NALCN: variants seen among roughly 807,000 people sequenced by gnomAD.
NALCN encodes sodium leak channel NALCN.
NALCN carries 111 observed loss-of-function variants against 225.3 expected under a neutral mutation model. That is an observed-to-expected ratio of 0.49 (90% CI 0.42 to 0.58). The LOEUF is 0.58. NALCN is among the 20% of genes least tolerant of loss of function. NALCN has a pLI of 0.00. For missense variants in NALCN, 1,378 were observed against 2,202.4 expected (o/e 0.63, Z 7.49); for synonymous variants, 764 against 769.0 (o/e 0.99, Z 0.11).
chr13:101,089,394 A>G lies in NALCN; in HGVS notation c.3489+269T>C, dbSNP rs995976099. Reference sequence around the variant, plus strand: ...AACTTGCTGCCCATCTTTCTTTTCAATTTGAACAATAGGAGACGCGCCTCT... The same window carrying G: ...AACTTGCTGCCCATCTTTCTTTTCAGTTTGAACAATAGGAGACGCGCCTCT... On this transcript the variant is annotated intron_variant, in intron 30 of 43. Transcript: ENST00000251127. The surrounding 1 kb of genome is among the most constrained non-coding windows in gnomAD (Gnocchi z 4.7). 3.9e-5 allele frequency among the ~76,000 whole-genome samples: 6 copies of G among 152,176 alleles called. No individual in the cohort carries two copies. The highest frequency in any genetic ancestry group is 2.1e-4 in the South Asian group (1 of 4,824).
chr13:101,172,749 A>C (rs1362165618), intron 15 of NALCN, among the ~76,000 whole-genome samples: 1 of 151,016 alleles, frequency 6.6e-6, no homozygotes, highest in Non-Finnish European at 1.5e-5. Flanking sequence ...TCGTATTTTT[A>C]GTAGAGACGG....
chr13:101,062,437 C>T (rs1048465325), intron 40 of NALCN, among the ~76,000 whole-genome samples: 4 of 152,054 alleles, frequency 2.6e-5, no homozygotes, highest in Non-Finnish European at 4.4e-5. Flanking sequence ...GGAAAAGGCT[C>T]GCGACTTTCT....
chr13:101,201,267 C>T (rs1566423649), intron 13 of NALCN, among the ~76,000 whole-genome samples: 6 of 152,264 alleles, frequency 3.9e-5, no homozygotes, highest in South Asian at 4.1e-4. Context: ...GTTGTGCAGC[C>T]ATTACCACTA....
In NALCN at chr13:101,145,001, A is replaced by G. The variant is rs1197255030; in HGVS notation, c.1840-105T>C. 7.1e-6 allele frequency: 9 copies of G among 1,264,836 alleles called. No homozygotes were observed. The East Asian group carries it at 1.5e-4, about 22-fold the overall frequency. The allele number at this position is 1,264,836 out of a possible 1,614,324, so 78.4% of individuals were successfully genotyped here. ...TGGAAGCAATAAGTAATTACATGAAATGCCAGTAGATGGCAGCAAAGGCCT... is the reference window on the plus strand; with the variant it reads ...TGGAAGCAATAAGTAATTACATGAAGTGCCAGTAGATGGCAGCAAAGGCCT... On this transcript the variant is annotated intron_variant, in intron 15 of 43. Transcript: ENST00000251127.
intron 10 of NALCN, among the ~76,000 whole-genome samples, chr13:101,272,350 G>A (rs536388910): frequency 1.3e-5 from 2 of 152,210 alleles, no homozygotes; most frequent in African/African-American, 4.8e-5. Context: ...TAAGGGGAGA[G>A]TAAGAATTTG....
chr13:101,147,271 C>T (rs1484631385), intron 15 of NALCN, among the ~76,000 whole-genome samples: 3 of 152,046 alleles, frequency 2.0e-5, no homozygotes, highest in African/African-American at 7.2e-5. Context: ...ATCTGCTCTT[C>T]ATTCTGCGGT....
At chr13:101,254,591 T>C (rs2042162976) in intron 11 of NALCN, among the ~76,000 whole-genome samples, 1 of 151,882 alleles carries the variant, frequency 6.6e-6, no homozygotes, top group South Asian at 2.1e-4. Context: ...TGCCGCTTTG[T>C]TAAGAATGAA....
In NALCN at chr13:101,377,820, C is replaced by A. The variant is rs77901005; in HGVS notation, c.375+750G>T. 1.7e-3 allele frequency among the ~76,000 whole-genome samples: 263 copies of A among 152,098 alleles called. 1 individual carries two copies. The highest frequency in any genetic ancestry group is 6.0e-3 in the African/African-American group (248 of 41,510). ...TCATGTTAGGCATTCTTACCACAAC[C>A]AAATCAAAACAGATCAAATCAAATC... On this transcript the variant is annotated intron_variant, in intron 4 of 43. Coordinates refer to ENST00000251127, the MANE Select transcript of NALCN (RefSeq NM_052867.4).
rs775327461 is a variant in NALCN, at chr13:101,055,296, TAAATATCCAGAAGGTC to T, written c.5200_5215del (p.Asp1734ArgfsTer6). 6.8e-6 allele frequency: 11 copies of T among 1,611,250 alleles called. No individual in the cohort carries two copies. Among genetic ancestry groups the T allele is most frequent in the Non-Finnish European group, 8.5e-6 (10 of 1,178,238 alleles). On this transcript the variant is annotated frameshift_variant and stop_lost, in exon 44 of 44. Transcript: ENST00000251127. LOFTEE classifies it high-confidence loss of function. The stretch of plus-strand genomic sequence containing the variant: ...AAATTCATCTACATTGACATCCACC[TAAATATCCAGAAGGTC>T]ATCCCCACTTTCGTCGCTCTCCACA...
intron 13 of NALCN, among the ~76,000 whole-genome samples, chr13:101,210,848 C>T (rs976947328): frequency 6.6e-6 from 1 of 152,182 alleles, no homozygotes; most frequent in African/African-American, 2.4e-5. Context: ...AATCTTCCTA[C>T]CAATCCTCTA....
intron 11 of NALCN, among the ~76,000 whole-genome samples, chr13:101,239,847 T>C (rs2041693921): frequency 1.3e-5 from 2 of 152,248 alleles, no homozygotes; most frequent in East Asian, 1.9e-4. Context: ...AGAAATCATT[T>C]GCCCTTCAGC....
rs66465051 is a variant in NALCN, at chr13:101,254,370, CAAA to C, written c.1266+4070_1266+4072del. 5.9e-5 allele frequency among the ~76,000 whole-genome samples: 4 copies of C among 68,026 alleles called. No individual in the cohort carries two copies. In the East Asian group the frequency reaches 2.1e-3, roughly 36 times the overall value. The allele number at this position is 68,026 out of a possible 152,430, so 44.6% of individuals were successfully genotyped here. On this transcript the variant is annotated intron_variant, in intron 11 of 43. Transcript: ENST00000251127. ...CCTGAGCAACAGAGTGGGACTGTCT[CAAA>C]AAAAAAAAAAAAAAAAAAAGGAGAC... is the stretch of plus-strand genomic sequence containing the variant.
At chr13:101,278,355 T>C (rs1177251164) in intron 10 of NALCN, among the ~76,000 whole-genome samples, 1 of 151,742 alleles carries the variant, frequency 6.6e-6, no homozygotes, top group Non-Finnish European at 1.5e-5. Flanking sequence ...AAACCCGGTT[T>C]CTACTAAAAA....
At chr13:101,197,447 T>G (rs1426250328) in intron 13 of NALCN, among the ~76,000 whole-genome samples, 1 of 152,176 alleles carries the variant, frequency 6.6e-6, no homozygotes, top group South Asian at 2.1e-4. Flanking sequence ...TTCATTTCCT[T>G]AGGTTTTATT....
chr13:101,416,724 A>C (rs9518395), upstream of NALCN, among the ~76,000 whole-genome samples: 91,321 of 151,686 alleles, frequency 0.6, 27,930 homozygotes, highest in Non-Finnish European at 0.65. Context: ...TGCCACCCGC[A>C]GTCAGTCTCA....
intron 3 of NALCN, among the ~76,000 whole-genome samples, chr13:101,391,970 G>A (rs1176438636): frequency 6.6e-6 from 1 of 150,402 alleles, no homozygotes; most frequent in Non-Finnish European, 1.5e-5. Context: ...GGTGACAAGA[G>A]TGAGACTCCA....
At chr13:101,210,864 T>C (rs2140074648) in intron 13 of NALCN, among the ~76,000 whole-genome samples, 1 of 152,338 alleles carries the variant, frequency 6.6e-6, no homozygotes, top group South Asian at 2.1e-4. Context: ...CTCTAAGTTA[T>C]GTATTATTAT....
At chr13:101,416,688 G>A (rs1016686267), upstream of NALCN, among the ~76,000 whole-genome samples, 1 of 152,228 alleles carries the variant, frequency 6.6e-6, no homozygotes, top group Non-Finnish European at 1.5e-5. Flanking sequence ...CGCCAGGGTC[G>A]GTACTGGCAG....
At chr13:101,415,860 T>G (rs2047930105) in intron 1 of NALCN, among the ~76,000 whole-genome samples, 1 of 141,140 alleles carries the variant, frequency 7.1e-6, no homozygotes, top group South Asian at 2.5e-4. Context: ...GCAGCGGCCC[T>G]GGTGCCGAGG....
Sources: allele counts gnomAD v4.1 joint callset (sites outside exome capture counted in the v4.1 genomes callset), GRCh38; gene constraint gnomAD v4.1.1; non-coding constraint Gnocchi (gnomAD v3.1); transcripts MANE v1.5; gene names NCBI Gene and HGNC (gene_info 2026-07-23, HGNC 2026-07-21).